BLMH: variants seen among roughly 807,000 people sequenced by gnomAD.
The protein encoded by BLMH is bleomycin hydrolase, also known as BLM hydrolase.
In BLMH, 32 loss-of-function variants were observed where a neutral mutation model predicts 61.6. That is an observed-to-expected ratio of 0.52 (90% CI 0.39 to 0.70). The LOEUF is 0.70. Ranked by LOEUF, BLMH falls within the 30% of genes least tolerant of loss-of-function variation. The pLI, the probability that BLMH is intolerant of heterozygous loss-of-function variation, is 0.00. For missense variants in BLMH, 460 were observed against 555.5 expected, an observed-to-expected ratio of 0.83 and a Z score of 1.73; for synonymous variants, 183 against 193.8, an observed-to-expected ratio of 0.94 and a Z score of 0.46.
chr17:30,268,368 G>A (rs924670433), intron 10 of BLMH, among the ~76,000 whole-genome samples: 1 of 152,046 alleles, frequency 6.6e-6, no homozygotes, highest in Non-Finnish European at 1.5e-5. Flanking sequence ...AGCAACAAAA[G>A]AAAGAAAATT....
chr17:30,272,306 A>G (rs900871975), intron 9 of BLMH: 3 of 522,958 alleles, frequency 5.7e-6, no homozygotes, highest in Non-Finnish European at 1.0e-5. Flanking sequence ...TTTCTCATAG[A>G]GGATGGCTTT....
At chr17:30,272,444 G>T (rs535819873) in intron 9 of BLMH, 117 bp downstream of exon 9, 18 of 1,105,320 alleles carry the variant, frequency 1.6e-5, no homozygotes, top group South Asian at 1.0e-4. Flanking sequence ...AAAGAGACGC[G>T]CCCTTAGGTC....
intron 2 of BLMH, 151 bp from the exon 3 acceptor site, chr17:30,289,633 A>C (rs899928792): frequency 3.7e-5 from 17 of 455,414 alleles, no homozygotes; most frequent in African/African-American, 3.0e-4. Context: ...CAAAACAAGA[A>C]AGGTGGTAAT....
intron 11 of BLMH, among the ~76,000 whole-genome samples, chr17:30,250,697 C>T (rs954174001): frequency 5.9e-5 from 9 of 152,054 alleles, no homozygotes; most frequent in East Asian, 1.9e-4. Context: ...AAAGAACTAA[C>T]GATCTACCAT....
chr17:30,281,348 CCTA>C (rs892811151), intron 6 of BLMH, among the ~76,000 whole-genome samples: 21 of 152,026 alleles, frequency 1.4e-4, no homozygotes, highest in Non-Finnish European at 4.4e-5. Flanking sequence ...CACCCCCACA[CCTA>C]CTAGATCAAT....
chr17:30,275,025 G>T (rs1472416475), intron 6 of BLMH, among the ~76,000 whole-genome samples: 2 of 149,716 alleles, frequency 1.3e-5, no homozygotes, highest in African/African-American at 4.9e-5. Flanking sequence ...TCTCCTGAGG[G>T]CTGAGTCATG....
In BLMH at chr17:30,285,467, C is replaced by T. The variant is rs2143042919; in HGVS notation, c.566G>A (p.Cys189Tyr). Residue 189 changes from cysteine (C) to tyrosine (Y), a missense_variant, in exon 6 of 12, where the codon TGT (cysteine) becomes TAT (tyrosine). Coordinates refer to ENST00000261714, the MANE Select transcript of BLMH (RefSeq NM_000386.4). ...DILNHKMREFCIRLRNLVHSG... is the reference protein window; with the variant it reads ...DILNHKMREFYIRLRNLVHSG... ...GTGTACCAGGTTCCGCAGTCGTATACAGAATTCTCTCATCTATGACAGAAA... is the reference window on the plus strand; with the variant it reads ...GTGTACCAGGTTCCGCAGTCGTATATAGAATTCTCTCATCTATGACAGAAA... The T allele has an allele frequency of 1.9e-6, 3 of 1,610,800 alleles. No homozygotes were observed. The highest frequency in any genetic ancestry group is 2.2e-5 in the East Asian group (1 of 44,796).
chr17:30,258,897 C>T (rs1189358215), intron 11 of BLMH, among the ~76,000 whole-genome samples: 1 of 152,188 alleles, frequency 6.6e-6, no homozygotes, highest in Non-Finnish European at 1.5e-5. Flanking sequence ...TATTTCTTGG[C>T]TTCACTCCTC....
chr17:30,274,028 T>C lies in BLMH; in HGVS notation c.801+14A>G. 7 of 1,614,000 alleles carry C rather than the reference T, an allele frequency of 4.3e-6. No individual in the cohort carries two copies. The highest frequency in any genetic ancestry group is 5.9e-6 in the Non-Finnish European group (7 of 1,179,916). ...AAAGTAAACAGCCAGTGACTACCAG[T>C]GCCATTCACCAACCTTATCTTCCAT... On this transcript the variant is annotated intron_variant, in intron 7 of 11. Transcript: ENST00000261714.
rs112303491 is a variant in BLMH, at chr17:30,291,562, C to G, written c.14-54G>C. 3,651 of 1,591,530 alleles carry G rather than the reference C, an allele frequency of 2.3e-3. 81 individuals carry two copies. The African/African-American group carries it at 0.044, about 19-fold the overall frequency. On this transcript the variant is annotated intron_variant, in intron 1 of 11. Transcript: ENST00000261714. ...GCAAAAAGAGGGGGAAAGGGCTGAT[C>G]TGGGGCTCCCGCGTCCCGAATCTAA...
intron 5 of BLMH, among the ~76,000 whole-genome samples, chr17:30,286,299 G>C (rs933583338): frequency 2.0e-5 from 3 of 152,210 alleles, no homozygotes; most frequent in African/African-American, 7.2e-5. Context: ...GTTATGTAGA[G>C]AAGACACAAT....
rs770078465 is a variant in BLMH, at chr17:30,266,523, CAAAAAAAAAAA to C, written c.1216+351_1216+361del. Among the ~76,000 whole-genome samples, 28 of 53,110 alleles carry C rather than the reference CAAAAAAAAAAA, an allele frequency of 5.3e-4. No individual in the cohort carries two copies. The East Asian group carries it at 9.5e-3, about 18-fold the overall frequency. 34.8% of individuals were successfully genotyped at this position (53,110 alleles called of 152,430 possible). A position where few individuals can be genotyped will look rare whatever the true frequency, so the allele number is the denominator to read the frequency against. ...CTGGGCGACAGAGCAAGACTCTGTC[CAAAAAAAAAAA>C]AAAAGAAAAAAAAAAGAAAAAGAAA... On this transcript the variant is annotated intron_variant, in intron 11 of 11. Transcript: ENST00000261714.
intron 4 of BLMH, among the ~76,000 whole-genome samples, chr17:30,287,367 T>C (rs928259583): frequency 6.6e-6 from 1 of 152,184 alleles, no homozygotes; most frequent in African/African-American, 2.4e-5. Context: ...GTCTATGTTA[T>C]CCTTTTTATC....
intron 6 of BLMH, among the ~76,000 whole-genome samples, chr17:30,278,733 G>C (rs112478119): frequency 0.053 from 8,040 of 152,226 alleles, 268 homozygotes; most frequent in Middle Eastern, 0.078. Context: ...GCGGTGGCAC[G>C]ATCTCGGCTC....
intron 7 of BLMH, 91 bp from the exon 8 acceptor site, chr17:30,272,990 C>T (rs1597662938): frequency 7.2e-7 from 1 of 1,389,610 alleles, no homozygotes; most frequent in Non-Finnish European, 9.9e-7. Flanking sequence ...TTCCATCAAG[C>T]TCATCATCTC....
intron 11 of BLMH, among the ~76,000 whole-genome samples, chr17:30,266,082 GAAGTGCT>G (rs1417237967): frequency 3.3e-5 from 5 of 152,120 alleles, no homozygotes; most frequent in African/African-American, 1.2e-4. Flanking sequence ...CCAGTATAAA[GAAGTGCT>G]AAGTGGTAAG....
At chr17:30,267,446 C>A (rs1908142391) in intron 10 of BLMH, among the ~76,000 whole-genome samples, 1 of 152,142 alleles carries the variant, frequency 6.6e-6, no homozygotes, top group Non-Finnish European at 1.5e-5. Flanking sequence ...CATCATACTG[C>A]CTGATTTTCT....
chr17:30,281,018 G>A (rs574060167), intron 6 of BLMH, among the ~76,000 whole-genome samples: 109 of 151,126 alleles, frequency 7.2e-4, no homozygotes, highest in Middle Eastern at 3.4e-3. Context: ...AGGGAAGACA[G>A]CTGTCTACTA....
chr17:30,257,484 A>G (rs1907847966), intron 11 of BLMH, among the ~76,000 whole-genome samples: 2 of 152,376 alleles, frequency 1.3e-5, no homozygotes, highest in East Asian at 1.9e-4. Flanking sequence ...AGAAATAGAA[A>G]TAATAACCTA....
Sources: allele counts gnomAD v4.1 joint callset (sites outside exome capture counted in the v4.1 genomes callset), GRCh38; gene constraint gnomAD v4.1.1; transcripts MANE v1.5; gene names NCBI Gene and HGNC (gene_info 2026-07-23, HGNC 2026-07-21).